Variants in PCDH9 observed in about 807,000 individuals in gnomAD.
PCDH9 encodes protocadherin 9, also known as protocadherin-9.
Under a neutral mutation model 70.6 loss-of-function variants are expected in PCDH9, and 24 were observed. The ratio of observed to expected loss-of-function variants is 0.34; its 90% confidence interval spans 0.25 to 0.48. The LOEUF is 0.48. Among genes scored for constraint, PCDH9 ranks in the 20% least tolerant of loss-of-function variants. The probability of loss-of-function intolerance (pLI) is 0.99; values close to 1 mark genes in which losing one functional copy is unlikely to be tolerated. For missense variants in PCDH9, 1,281 were observed against 1,503.6 expected, an observed-to-expected ratio of 0.85 and a Z score of 2.45; for synonymous variants, 562 against 558.5, an observed-to-expected ratio of 1.01 and a Z score of -0.09.
intron 4 of PCDH9, among the ~76,000 whole-genome samples, chr13:66,536,170 A>T (rs1003611889): frequency 6.6e-6 from 1 of 152,068 alleles, no homozygotes; most frequent in Non-Finnish European, 1.5e-5. Context: ...GTTGTAGGAC[A>T]AGTATTACTT....
At chr13:66,708,863 A>T (rs1303019086) in intron 3 of PCDH9, among the ~76,000 whole-genome samples, 1 of 152,188 alleles carries the variant, frequency 6.6e-6, no homozygotes, top group African/African-American at 2.4e-5. Context: ...TTTGATAGAG[A>T]TCATTCATTC....
chr13:66,980,733 T>TTTG (rs1555293456), intron 2 of PCDH9, among the ~76,000 whole-genome samples: 1 of 138,088 alleles, frequency 7.2e-6, no homozygotes, highest in African/African-American at 2.7e-5. Flanking sequence ...TTTCTTTGTT[T>TTTG]TTTTTTTTGT....
chr13:67,155,139 C>T (rs2087778224), intron 2 of PCDH9, among the ~76,000 whole-genome samples: 2 of 152,098 alleles, frequency 1.3e-5, no homozygotes, highest in Admixed American at 1.3e-4. Context: ...AATTTCTCAC[C>T]AATTTGCCCT....
chr13:67,045,451 G>A (rs2085204900), intron 2 of PCDH9, among the ~76,000 whole-genome samples: 1 of 151,842 alleles, frequency 6.6e-6, no homozygotes, highest in Non-Finnish European at 1.5e-5. Flanking sequence ...GGTCCTTGAA[G>A]TCACTCAACA....
intron 4 of PCDH9, among the ~76,000 whole-genome samples, chr13:66,309,926 C>A (rs548634833): frequency 1.3e-5 from 2 of 151,542 alleles, no homozygotes; most frequent in Non-Finnish European, 2.9e-5. Flanking sequence ...TGTGTAGAAT[C>A]CTGATCAGGA....
At chr13:67,229,489 A>G (rs1022621995) in intron 1 of PCDH9, among the ~76,000 whole-genome samples, 2 of 152,234 alleles carry the variant, frequency 1.3e-5, no homozygotes, top group African/African-American at 4.8e-5. Flanking sequence ...TCATGCAGGT[A>G]AAAAGGCTTC....
chr13:66,689,835 A>G (rs1434966768), intron 3 of PCDH9, among the ~76,000 whole-genome samples: 1 of 152,206 alleles, frequency 6.6e-6, no homozygotes, highest in Non-Finnish European at 1.5e-5. Flanking sequence ...TTGACAAAAC[A>G]GTACTATCCA....
Position 67,227,570 on chromosome 13 carries a change from A to C in PCDH9, c.871T>G (p.Phe291Val), listed in dbSNP as rs1308102870. The C allele has an allele frequency of 1.9e-6, 3 of 1,614,004 alleles. No individual in the cohort carries two copies. The African/African-American group carries it at 4.0e-5, about 22-fold the overall frequency. The change falls in exon 2 of 5, where the codon TTT (phenylalanine) becomes GTT (valine). Residue 291 changes from phenylalanine (F) to valine (V), a missense_variant. Physicochemically the swap from Phe to Val is conservative, Grantham distance 50 (BLOSUM62 -1). Around this residue, in one of 4 missense-constraint regions of PCDH9, gnomAD observed 798 missense variants for 1,003.1 expected, o/e 0.80. Transcript: ENST00000377865. The surrounding 1 kb of genome is among the most constrained non-coding windows in gnomAD (Gnocchi z 4.6). Reference protein sequence around the residue: ...IGSNAEIRYIFGAQVAPATKR... With the variant: ...IGSNAEIRYIVGAQVAPATKR... ...GTTGCAGGGGCGACCTGGGCACCAAAAATGTACCGGATTTCAGCATTACTG... is the reference window on the plus strand; with the variant it reads ...GTTGCAGGGGCGACCTGGGCACCAACAATGTACCGGATTTCAGCATTACTG...
At chr13:67,001,717 T>A (rs2084248940) in intron 2 of PCDH9, 1 of 152,226 alleles carries the variant, frequency 6.6e-6, no homozygotes, top group Non-Finnish European at 1.5e-5. Context: ...TAACAGTGAA[T>A]CCCAGGTACC....
chr13:66,951,998 G>A lies in PCDH9; in HGVS notation c.3037-48393C>T, dbSNP rs2083190173. Reference sequence around the variant, plus strand: ...ACTAGAGATGATTTTAACTAAAGTAGGGGTGAGCATCTGTGCTAAGGTAAG... The same window carrying A: ...ACTAGAGATGATTTTAACTAAAGTAAGGGTGAGCATCTGTGCTAAGGTAAG... On this transcript the variant is annotated intron_variant, in intron 2 of 4. Coordinates refer to ENST00000377865, the MANE Select transcript of PCDH9 (RefSeq NM_203487.3). Among the ~76,000 whole-genome samples, 2 of 152,146 alleles carry A rather than the reference G, an allele frequency of 1.3e-5. 1 individual carries two copies. Among genetic ancestry groups the A allele is most frequent in the South Asian group, 4.1e-4 (2 of 4,830 alleles).
At chr13:66,485,291 C>T (rs1440900009) in intron 4 of PCDH9, among the ~76,000 whole-genome samples, 2 of 152,122 alleles carry the variant, frequency 1.3e-5, no homozygotes, top group East Asian at 3.8e-4. Context: ...TTTTCATGTA[C>T]TAATTGCTAT....
chr13:66,365,176 G>C (rs1162490736), intron 4 of PCDH9, among the ~76,000 whole-genome samples: 1 of 152,114 alleles, frequency 6.6e-6, no homozygotes, highest in Admixed American at 6.6e-5. Context: ...CATGCTATTT[G>C]CTAGCTCATC....
intron 2 of PCDH9, among the ~76,000 whole-genome samples, chr13:67,023,795 A>T (rs1020197720): frequency 6.6e-6 from 1 of 152,330 alleles, no homozygotes; most frequent in African/African-American, 2.4e-5. Context: ...GTTGGGAAAC[A>T]CTTAAAAACA....
intron 3 of PCDH9, among the ~76,000 whole-genome samples, chr13:66,845,772 A>T (rs751373577): frequency 7.2e-5 from 11 of 152,184 alleles, no homozygotes; most frequent in Non-Finnish European, 1.5e-5. Context: ...TAGGTTGTGG[A>T]ACAATTCCCC....
intron 4 of PCDH9, among the ~76,000 whole-genome samples, chr13:66,342,144 T>A (rs1451039409): frequency 6.6e-6 from 1 of 152,194 alleles, no homozygotes; most frequent in African/African-American, 2.4e-5. Flanking sequence ...TTAAAATGAA[T>A]CTGAACATAT....
intron 4 of PCDH9, among the ~76,000 whole-genome samples, chr13:66,583,947 T>C (rs1239947402): frequency 1.3e-5 from 2 of 152,198 alleles, no homozygotes; most frequent in African/African-American, 2.4e-5. Context: ...ACCATTTACA[T>C]AGTCAAACTA....
intron 3 of PCDH9, among the ~76,000 whole-genome samples, chr13:66,749,403 A>G (rs1019418365): frequency 6.6e-6 from 1 of 152,150 alleles, no homozygotes; most frequent in Non-Finnish European, 1.5e-5. Flanking sequence ...ATCAACAATC[A>G]TTTATGAAAT....
rs1446439132 is a variant in PCDH9, at chr13:66,303,931, G to T, written c.*724C>A. On this transcript the variant is annotated 3_prime_UTR_variant, in exon 5 of 5. Coordinates refer to ENST00000377865, the MANE Select transcript of PCDH9 (RefSeq NM_203487.3). ...ACCTTTTTTAAACACAAGTGCTTGA[G>T]ATTGTTTGAACAATGTGTGTCAAGA... is the stretch of plus-strand genomic sequence containing the variant. 1.3e-5 allele frequency: 2 copies of T among 152,100 alleles called. No homozygotes were observed. Among genetic ancestry groups the T allele is most frequent in the African/African-American group, 4.8e-5 (2 of 41,378 alleles). 9.4% of individuals were successfully genotyped at this position (152,100 alleles called of 1,614,324 possible). A position where few individuals can be genotyped will look rare whatever the true frequency, so the allele number is the denominator to read the frequency against.
intron 2 of PCDH9, among the ~76,000 whole-genome samples, chr13:66,968,357 G>A (rs1261064458): frequency 1.3e-5 from 2 of 152,004 alleles, no homozygotes; most frequent in East Asian, 1.9e-4. Context: ...GGCTTTGTAC[G>A]GTATACTTCT....
Sources: gnomAD v4.1 joint callset for allele counts (sites outside exome capture counted in the v4.1 genomes callset) on GRCh38, gnomAD v4.1.1 for gene constraint, gnomAD v4.1.1 regional missense constraint, Gnocchi (gnomAD v3.1) non-coding constraint, MANE v1.5 for transcripts, NCBI Gene and HGNC (gene_info 2026-07-23, HGNC 2026-07-21) for gene names.